COL13A1: variants seen among roughly 807,000 people sequenced by gnomAD.
The protein encoded by COL13A1 is collagen alpha-1(XIII) chain.
In COL13A1, 89 loss-of-function variants were observed where a neutral mutation model predicts 130.9. The ratio of observed to expected loss-of-function variants is 0.68; its 90% CI spans 0.57 to 0.81. COL13A1 has a LOEUF of 0.81. Among genes scored for constraint, COL13A1 ranks in the 30% least tolerant of loss-of-function variants. The pLI is 0.00. For synonymous variants in COL13A1, 402 were observed against 341.6 expected (o/e 1.18, Z -1.95); for missense variants, 879 against 934.6 (o/e 0.94, Z 0.78).
At position 69,924,960 on chromosome 10, in the gene COL13A1, CAG is replaced by C. The variant is rs2065157930; in HGVS notation, c.1285-2_1285-1del. The C allele has an allele frequency of 6.3e-7, 1 of 1,588,568 alleles. No individual in the cohort carries two copies. Among genetic ancestry groups the C allele is most frequent in the African/African-American group, 1.3e-5 (1 of 74,198 alleles). The stretch of plus-strand genomic sequence containing the variant: ...ACTTTGCTCCAATTTTGTCATGCAA[CAG>C]GGGGAGCGTGGAGCAGCTGGAGAAC... On this transcript the variant is annotated splice_acceptor_variant, in intron 24 of 40. Coordinates refer to ENST00000645393, the MANE Select transcript of COL13A1 (RefSeq NM_001368882.1). LOFTEE classifies it high-confidence loss of function.
At chr10:69,857,843 C>T (rs1204942575) in intron 2 of COL13A1, among the ~76,000 whole-genome samples, 1 of 152,148 alleles carries the variant, frequency 6.6e-6, no homozygotes, top group African/African-American at 2.4e-5. Flanking sequence ...GTTGGCTGGG[C>T]GCGGTGGCTC....
chr10:69,915,747 C>G (rs912964436), intron 17 of COL13A1, among the ~76,000 whole-genome samples: 2 of 152,194 alleles, frequency 1.3e-5, no homozygotes, highest in African/African-American at 2.4e-5. Context: ...CAGCCCAGGG[C>G]ACCAGACAAG....
chr10:69,872,182 A>G lies in COL13A1; in HGVS notation c.373-2A>G. The G allele has an allele frequency of 6.2e-7, 1 of 1,614,052 alleles. No individual in the cohort carries two copies. The highest frequency in any genetic ancestry group is 2.2e-5 in the East Asian group (1 of 44,886). On this transcript the variant is annotated splice_acceptor_variant, in intron 3 of 40. Transcript: ENST00000645393. LOFTEE classifies it high-confidence loss of function. ...CTACGTAAACGTCACTCTTCATTTCAGGGTCCCACTGGAAGACCCGGACTC... is the reference window on the plus strand; with the variant it reads ...CTACGTAAACGTCACTCTTCATTTCGGGGTCCCACTGGAAGACCCGGACTC...
At chr10:69,945,647 A>T (rs550469062) in intron 36 of COL13A1, 24 bp from the exon 37 acceptor site, 2 of 1,610,294 alleles carry the variant, frequency 1.2e-6, no homozygotes, top group South Asian at 1.1e-5. Context: ...GGCAGGATTC[A>T]TGCATTTCTT....
chr10:69,938,063 G>T (rs2067171406), intron 34 of COL13A1, among the ~76,000 whole-genome samples: 1 of 152,206 alleles, frequency 6.6e-6, no homozygotes, highest in Admixed American at 6.5e-5. Flanking sequence ...GGAAGTAGTG[G>T]GACAAGAAGA....
chr10:69,871,350 C>A (rs1467461669), intron 3 of COL13A1, among the ~76,000 whole-genome samples: 1 of 152,134 alleles, frequency 6.6e-6, no homozygotes, highest in Non-Finnish European at 1.5e-5. Context: ...GCACTGGGGA[C>A]ACATTCGTGA....
At chr10:69,829,974 G>A (rs777602791) in intron 2 of COL13A1, among the ~76,000 whole-genome samples, 5 of 152,296 alleles carry the variant, frequency 3.3e-5, no homozygotes, top group South Asian at 2.1e-4. Flanking sequence ...TCCTAGATCC[G>A]CTCTGATAAC....
At chr10:69,904,009 C>G (rs2062466275) in intron 15 of COL13A1, among the ~76,000 whole-genome samples, 1 of 152,182 alleles carries the variant, frequency 6.6e-6, no homozygotes, top group South Asian at 2.1e-4. Flanking sequence ...GCACAATGAC[C>G]CCTGCAATGC....
chr10:69,946,834 C>T (rs887573719), intron 37 of COL13A1, among the ~76,000 whole-genome samples: 34 of 152,268 alleles, frequency 2.2e-4, no homozygotes, highest in Non-Finnish European at 4.4e-4. Flanking sequence ...TGTCGCCAGG[C>T]TGGAGTGCAG....
chr10:69,956,329 C>T (rs1287688154), intron 39 of COL13A1: 1 of 152,312 alleles, frequency 6.6e-6, no homozygotes, highest in Non-Finnish European at 1.5e-5. Flanking sequence ...ACAAAGGAGA[C>T]CGACGGTGTG....
At chr10:69,811,645 C>A (rs952755424) in intron 1 of COL13A1, among the ~76,000 whole-genome samples, 1 of 152,108 alleles carries the variant, frequency 6.6e-6, no homozygotes, top group African/African-American at 2.4e-5. Flanking sequence ...AAGTCAGGTG[C>A]TGCTCTAGGA....
chr10:69,851,383 C>G (rs1464228206), intron 2 of COL13A1, among the ~76,000 whole-genome samples: 1 of 152,230 alleles, frequency 6.6e-6, no homozygotes, highest in Non-Finnish European at 1.5e-5. Flanking sequence ...AAACTCCTCC[C>G]TGCCCTGGCC....
intron 2 of COL13A1, among the ~76,000 whole-genome samples, chr10:69,867,209 GA>G (rs2058610752): frequency 1.3e-5 from 2 of 152,338 alleles, no homozygotes; most frequent in African/African-American, 4.8e-5. Context: ...CGGAGCCCGA[GA>G]GGGGGCTTTG....
intron 5 of COL13A1, 116 bp from the exon 6 acceptor site, chr10:69,877,923 G>A: frequency 1.5e-6 from 1 of 663,574 alleles, no homozygotes; most frequent in East Asian, 2.7e-5. Flanking sequence ...GATTTCTTCT[G>A]TTTGGTTGTT....
chr10:69,884,148 A>G (rs2060394464), intron 7 of COL13A1, among the ~76,000 whole-genome samples: 1 of 152,206 alleles, frequency 6.6e-6, no homozygotes, highest in Non-Finnish European at 1.5e-5. Flanking sequence ...TCCAATGGGA[A>G]CTGTCATCTG....
chr10:69,876,730 C>T (rs189391888), intron 5 of COL13A1, among the ~76,000 whole-genome samples: 1 of 152,338 alleles, frequency 6.6e-6, no homozygotes, highest in Admixed American at 6.5e-5. Context: ...GTCACCATAG[C>T]CCTCTGAGCC....
At chr10:69,894,887 G>A (rs2061496613) in intron 12 of COL13A1, among the ~76,000 whole-genome samples, 186 bp downstream of exon 12, 1 of 152,166 alleles carries the variant, frequency 6.6e-6, no homozygotes, top group South Asian at 2.1e-4. Context: ...TTGGAGTGAG[G>A]GGTCCTCCTG....
chr10:69,944,733 AAG>A (rs1491139959), intron 36 of COL13A1, among the ~76,000 whole-genome samples: 1 of 152,164 alleles, frequency 6.6e-6, no homozygotes, highest in Non-Finnish European at 1.5e-5. Context: ...AAGAAAAAAA[AAG>A]GAATTGGAGA....
intron 1 of COL13A1, among the ~76,000 whole-genome samples, chr10:69,810,359 A>AGAGAGT (rs1842680089): frequency 7.0e-6 from 1 of 142,880 alleles, no homozygotes; most frequent in African/African-American, 2.6e-5. Flanking sequence ...AGAGAGAGAG[A>AGAGAGT]GAGAGAGAGA....
Sources: gnomAD v4.1 joint callset for allele counts (sites outside exome capture counted in the v4.1 genomes callset) on GRCh38, gnomAD v4.1.1 for gene constraint, MANE v1.5 for transcripts, NCBI Gene and HGNC (gene_info 2026-07-23, HGNC 2026-07-21) for gene names.